Variants in MTHFD2L observed in about 807,000 individuals in gnomAD.
MTHFD2L encodes the protein bifunctional methylenetetrahydrofolate dehydrogenase/cyclohydrolase 2, mitochondrial.
MTHFD2L carries 29 observed loss-of-function variants against 34.9 expected under a neutral mutation model. The ratio of observed to expected loss-of-function variants is 0.83; its 90% CI spans 0.62 to 1.13. MTHFD2L has a LOEUF of 1.13. MTHFD2L is among the 50% of genes most tolerant of loss of function. MTHFD2L has a pLI of 0.00. For synonymous variants in MTHFD2L, 167 were observed against 155.7 expected (o/e 1.07, Z -0.54); for missense variants, 481 against 446.5 (o/e 1.08, Z -0.70).
chr4:74,181,286 T>A (rs999736064), intron 3 of MTHFD2L, among the ~76,000 whole-genome samples: 3 of 152,194 alleles, frequency 2.0e-5, no homozygotes, highest in African/African-American at 7.2e-5. Context: ...CAACTGTGAC[T>A]TCATGACAGC....
At chr4:74,230,182 C>G (rs1739796917) in intron 6 of MTHFD2L, among the ~76,000 whole-genome samples, 1 of 152,114 alleles carries the variant, frequency 6.6e-6, no homozygotes, top group African/African-American at 2.4e-5. Flanking sequence ...AGTTTGTCAT[C>G]ATAAAGTAGT....
intron 1 of MTHFD2L, among the ~76,000 whole-genome samples, chr4:74,133,334 A>G (rs1722687218): frequency 6.6e-6 from 1 of 152,106 alleles, no homozygotes; most frequent in South Asian, 2.1e-4. Context: ...ACCTTTCTAT[A>G]TCTAGATATT....
chr4:74,230,613 GA>G (rs1739887740), intron 6 of MTHFD2L, among the ~76,000 whole-genome samples: 1 of 149,618 alleles, frequency 6.7e-6, no homozygotes, highest in Admixed American at 6.6e-5. Flanking sequence ...AAAGAAAAAA[GA>G]AAAAAAGAAA....
chr4:74,150,688 T>C lies in MTHFD2L; in HGVS notation c.-296-9367T>C, dbSNP rs184270872. On this transcript the variant is annotated intron_variant, in intron 1 of 7. Transcript: ENST00000433372. ...CATAACTTAAAAAAATTAACATATG[T>C]TGTTTTAAATGACACACATCAAAAC... is the stretch of plus-strand genomic sequence containing the variant. 1.2e-3 allele frequency among the ~76,000 whole-genome samples: 178 copies of C among 152,342 alleles called. 2 individuals are homozygous for C. The Middle Eastern group carries it at 0.017, about 15-fold the overall frequency.
chr4:74,170,128 C>A (rs1374018098), intron 1 of MTHFD2L, among the ~76,000 whole-genome samples: 1 of 152,174 alleles, frequency 6.6e-6, no homozygotes, highest in Non-Finnish European at 1.5e-5. Context: ...CTAACTCATT[C>A]TATGAAGCTA....
intron 7 of MTHFD2L, among the ~76,000 whole-genome samples, chr4:74,283,271 T>C (rs1008093322): frequency 6.6e-6 from 1 of 152,190 alleles, no homozygotes; most frequent in African/African-American, 2.4e-5. Context: ...TGCTTTCTTC[T>C]TTTTTAAGTA....
chr4:74,265,927 A>G (rs1201590931), intron 6 of MTHFD2L, among the ~76,000 whole-genome samples: 2 of 152,152 alleles, frequency 1.3e-5, no homozygotes, highest in African/African-American at 4.8e-5. Flanking sequence ...TTTTTCTTTT[A>G]ACAAACAAAG....
intron 6 of MTHFD2L, among the ~76,000 whole-genome samples, chr4:74,272,739 G>T (rs534334364): frequency 6.6e-6 from 1 of 152,078 alleles, no homozygotes; most frequent in Admixed American, 6.6e-5. Context: ...GCTGTTTCCC[G>T]TTTCTGCTTT....
In MTHFD2L at chr4:74,115,807, T is replaced by C. The variant is rs148280226; in HGVS notation, c.-144+1150T>C. ...AAAATAGCTATTATCGATAGCTGAA[T>C]GCATAAAGTATGCAGCATCACATAC... On this transcript the variant is annotated intron_variant and NMD_transcript_variant, in intron 2 of 9. Coordinates refer to the MTHFD2L transcript ENST00000429519. Among the ~76,000 whole-genome samples the C allele has an allele frequency of 5.6e-3, 856 of 152,350 alleles. 4 individuals carry two copies. The highest frequency in any genetic ancestry group is 9.3e-3 in the Non-Finnish European group (632 of 68,032).
intron 6 of MTHFD2L, among the ~76,000 whole-genome samples, chr4:74,264,206 C>A (rs1745025360): frequency 6.6e-6 from 1 of 151,844 alleles, no homozygotes; most frequent in Non-Finnish European, 1.5e-5. Context: ...CTATTCTATA[C>A]CATCAGGTAA....
At position 74,227,260 on chromosome 4, in the gene MTHFD2L, A is replaced by G. The variant is rs900574845; in HGVS notation, c.805+1866A>G. On this transcript the variant is annotated intron_variant, in intron 6 of 7. Transcript: ENST00000325278. The stretch of plus-strand genomic sequence containing the variant: ...GCTCAGCATCCTTTCCCCGACAGCT[A>G]AGGCTCTCACTGGGCTGCAGTAACA... Among the ~76,000 whole-genome samples, 8 of 152,254 alleles carry G rather than the reference A, an allele frequency of 5.3e-5. No homozygotes were observed. In the East Asian group the frequency reaches 1.5e-3, roughly 29 times the overall value.
intron 5 of MTHFD2L, among the ~76,000 whole-genome samples, chr4:74,207,793 A>G (rs554475322): frequency 2.1e-4 from 17 of 81,968 alleles, no homozygotes; most frequent in Non-Finnish European, 3.7e-4. Flanking sequence ...GCCAGCCTGG[A>G]AGTTTTATCT....
At chr4:74,174,734 T>C in intron 2 of MTHFD2L, 44 bp downstream of exon 2, 1 of 1,250,386 alleles carries the variant, frequency 8.0e-7, no homozygotes, top group East Asian at 2.8e-5. Context: ...ATATGTTTTC[T>C]GTTTTTACTT....
intron 5 of MTHFD2L, among the ~76,000 whole-genome samples, chr4:74,207,441 T>C (rs187415936): frequency 3.5e-4 from 54 of 152,306 alleles, no homozygotes; most frequent in Admixed American, 9.8e-4. Context: ...TTTCTTGATT[T>C]CATTCAGCCA....
At chr4:74,239,213 T>C (rs1339819876) in intron 6 of MTHFD2L, among the ~76,000 whole-genome samples, 1 of 152,114 alleles carries the variant, frequency 6.6e-6, no homozygotes, top group Admixed American at 6.5e-5. Context: ...GAAACCGTCA[T>C]TCTGAGCAAA....
At chr4:74,293,194 T>A (rs1245149808) in intron 7 of MTHFD2L, among the ~76,000 whole-genome samples, 1 of 152,088 alleles carries the variant, frequency 6.6e-6, no homozygotes, top group Non-Finnish European at 1.5e-5. Flanking sequence ...ATTCCTTCCC[T>A]TGCCCTCCAC....
intron 7 of MTHFD2L, among the ~76,000 whole-genome samples, chr4:74,296,416 C>T (rs992119963): frequency 2.0e-5 from 3 of 152,090 alleles, no homozygotes; most frequent in African/African-American, 7.2e-5. Flanking sequence ...TGTACATCCC[C>T]TTTGCAGGGT....
intron 4 of MTHFD2L, among the ~76,000 whole-genome samples, 200 bp from the exon 5 acceptor site, chr4:74,201,063 T>C (rs1415231711): frequency 6.6e-6 from 1 of 152,210 alleles, no homozygotes; most frequent in Non-Finnish European, 1.5e-5. Flanking sequence ...AATGAGTACA[T>C]AATCAGAGAA....
intron 1 of MTHFD2L, among the ~76,000 whole-genome samples, chr4:74,172,710 T>C (rs1728262073): frequency 6.6e-6 from 1 of 152,180 alleles, no homozygotes. Flanking sequence ...GGTCTGGGAA[T>C]CTGCAATTTC....
Sources: allele counts gnomAD v4.1 joint callset (sites outside exome capture counted in the v4.1 genomes callset), GRCh38; gene constraint gnomAD v4.1.1; transcripts MANE v1.5; gene names NCBI Gene and HGNC (gene_info 2026-07-23, HGNC 2026-07-21).